SLC9A2: variants seen among roughly 807,000 people sequenced by gnomAD.
SLC9A2 encodes sodium/hydrogen exchanger 2.
SLC9A2 carries 42 observed loss-of-function variants against 71.7 expected under a neutral mutation model. The ratio of observed to expected loss-of-function variants is 0.59; its 90% CI spans 0.46 to 0.76. The LOEUF (loss-of-function observed/expected upper bound fraction) is 0.76. Among genes scored for constraint, SLC9A2 ranks in the 30% least tolerant of loss-of-function variants. The pLI is 0.00. For missense variants in SLC9A2, 829 were observed against 1,017.4 expected (o/e 0.81, Z 2.52); for synonymous variants, 396 against 392.5 (o/e 1.01, Z -0.10).
chr2:102,625,369 G>A (rs976017329), intron 1 of SLC9A2, among the ~76,000 whole-genome samples: 1 of 151,956 alleles, frequency 6.6e-6, no homozygotes, highest in East Asian at 1.9e-4. Flanking sequence ...TGTGCACAAC[G>A]TGCAGGTTTG....
chr2:102,660,547 G>T (rs1333109442), intron 2 of SLC9A2, among the ~76,000 whole-genome samples: 4 of 152,208 alleles, frequency 2.6e-5, no homozygotes, highest in Non-Finnish European at 4.4e-5. Context: ...TAGAACAATG[G>T]TGTCAAAAAT....
rs1243051762 is a variant in SLC9A2 at position 102,619,805 on chromosome 2, G to C, written c.-44G>C. 6.9e-7 allele frequency: 1 copy of C among 1,448,606 alleles called. No individual in the cohort carries two copies. Among genetic ancestry groups the C allele is most frequent in the Admixed American group, 2.7e-5 (1 of 36,940 alleles). 89.7% of individuals were successfully genotyped at this position (1,448,606 alleles called of 1,614,324 possible). A position where few individuals can be genotyped will look rare whatever the true frequency, so the allele number is the denominator to read the frequency against. On this transcript the variant is annotated 5_prime_UTR_variant, in exon 1 of 12. Coordinates refer to ENST00000233969, the MANE Select transcript of SLC9A2 (RefSeq NM_003048.6). The surrounding 1 kb of genome is among the most constrained non-coding windows in gnomAD (Gnocchi z 4.3). ...CCCGGGCGCGATGCGTTGAGCGCTC[G>C]GAGGGCCAACCGCCGGTCCCCTTGG...
chr2:102,643,674 G>T (rs1188696151), intron 1 of SLC9A2, among the ~76,000 whole-genome samples: 1 of 152,080 alleles, frequency 6.6e-6, no homozygotes, highest in East Asian at 1.9e-4. Flanking sequence ...AGGCTCTTTA[G>T]GTGTATAGAG....
At chr2:102,636,143 C>A (rs74330547) in intron 1 of SLC9A2, among the ~76,000 whole-genome samples, 2,135 of 152,254 alleles carry the variant, frequency 0.014, 13 homozygotes, top group Non-Finnish European at 0.024. Flanking sequence ...AAATACACAT[C>A]CCAATACATA....
chr2:102,701,079 G>A lies in SLC9A2; in HGVS notation c.1596G>A (p.Lys532=), dbSNP rs1462464186. The change falls in exon 8 of 12, where the codon AAG becomes AAA. Residue 532 remains lysine (K), a synonymous_variant. Transcript: ENST00000233969. ...GHNFWRDKFK[K]FDDKYLRKLL... The stretch of plus-strand genomic sequence containing the variant: ...GTTTCTTTATTTACAGGTTTAAGAA[G>A]TTTGATGATAAATATCTGCGGAAGC... 30 of 1,598,866 alleles carry A rather than the reference G, an allele frequency of 1.9e-5. No homozygotes were observed. The highest frequency in any genetic ancestry group is 2.4e-5 in the Non-Finnish European group (28 of 1,173,390).
chr2:102,674,391 C>T (rs1677310592), intron 3 of SLC9A2, among the ~76,000 whole-genome samples: 1 of 152,160 alleles, frequency 6.6e-6, no homozygotes, highest in Non-Finnish European at 1.5e-5. Flanking sequence ...ACCCCAGGCC[C>T]TCCTGTGTTG....
rs148890712 is a variant in SLC9A2 at position 102,671,258 on chromosome 2, GTTTTAC to G, written c.1004+5914_1004+5919del. Among the ~76,000 whole-genome samples, 1,162 of 151,834 alleles carry G rather than the reference GTTTTAC, an allele frequency of 7.7e-3. 17 individuals carry two copies. The highest frequency in any genetic ancestry group is 0.026 in the African/African-American group (1,072 of 41,208). On this transcript the variant is annotated intron_variant, in intron 3 of 11. Transcript: ENST00000233969. The stretch of plus-strand genomic sequence containing the variant: ...CGTTACATTGCCTTGACAAATAATA[GTTTTAC>G]TTTTAATTATAGTGTATGCTTTCAC...
chr2:102,694,913 G>C (rs907936676), intron 6 of SLC9A2, 130 bp from the exon 7 acceptor site: 1 of 715,462 alleles, frequency 1.4e-6, no homozygotes, highest in African/African-American at 1.8e-5. Context: ...TATTGCTTTT[G>C]GTAATAAATA....
chr2:102,639,862 C>A (rs1676539915), intron 1 of SLC9A2, among the ~76,000 whole-genome samples: 1 of 152,042 alleles, frequency 6.6e-6, no homozygotes, highest in Non-Finnish European at 1.5e-5. Flanking sequence ...ATAGCTCTTA[C>A]AACTTTAATG....
chr2:102,673,608 C>T (rs1342226061), intron 3 of SLC9A2, among the ~76,000 whole-genome samples: 1 of 152,022 alleles, frequency 6.6e-6, no homozygotes, highest in African/African-American at 2.4e-5. Context: ...GCTGCCATCA[C>T]TTTGCTTTTT....
At chr2:102,629,663 TTTCTC>T in intron 1 of SLC9A2, among the ~76,000 whole-genome samples, 2 of 152,224 alleles carry the variant, frequency 1.3e-5, no homozygotes, top group South Asian at 4.1e-4. Context: ...GCTTGGTTGA[TTTCTC>T]TTTCTTATTT....
At chr2:102,692,832 G>A (rs1677689518) in intron 5 of SLC9A2, among the ~76,000 whole-genome samples, 1 of 152,130 alleles carries the variant, frequency 6.6e-6, no homozygotes, top group Non-Finnish European at 1.5e-5. Context: ...TCTAGGAATT[G>A]TGTTTTTCCT....
chr2:102,702,543 G>A, intron 9 of SLC9A2, 41 bp downstream of exon 9: 1 of 1,225,786 alleles, frequency 8.2e-7, no homozygotes, highest in Non-Finnish European at 1.2e-6. Flanking sequence ...CTTACCTTTG[G>A]CTAACAGGAT....
chr2:102,694,400 T>G lies in SLC9A2; in HGVS notation c.1426-14T>G. ...AAATATATATGAAATGCTTAAATTG[T>G]GTTTCCTGTTCAGGGAATAACTATT... On this transcript the variant is annotated splice_polypyrimidine_tract_variant and intron_variant, in intron 5 of 11. Transcript: ENST00000233969. 8.1e-7 allele frequency: 1 copy of G among 1,238,112 alleles called. No homozygotes were observed. 76.7% of individuals were successfully genotyped at this position (1,238,112 alleles called of 1,614,324 possible).
chr2:102,665,800 A>AAAAG (rs1198826827), intron 3 of SLC9A2, among the ~76,000 whole-genome samples: 7 of 146,122 alleles, frequency 4.8e-5, no homozygotes, highest in South Asian at 2.2e-4. Flanking sequence ...AAAAAAAAAA[A>AAAAG]AGATTTTTCT....
chr2:102,685,949 AGGATTGAGCCTT>A (rs1329137929), intron 5 of SLC9A2, among the ~76,000 whole-genome samples: 2 of 152,226 alleles, frequency 1.3e-5, no homozygotes, highest in Non-Finnish European at 1.5e-5. Flanking sequence ...TAGAGGAGTA[AGGATTGAGCCTT>A]GGGGCGGCCC....
intron 3 of SLC9A2, among the ~76,000 whole-genome samples, chr2:102,672,683 C>T (rs13011305): frequency 0.31 from 47,515 of 151,898 alleles, 8,399 homozygotes; most frequent in East Asian, 0.52. Flanking sequence ...GGTCCACATT[C>T]GGGGGTTTTA....
Position 102,619,835 on chromosome 2 carries a change from A to G in SLC9A2, c.-14A>G. Reference sequence around the variant, plus strand: ...GCCAACCGCCGGTCCCCTTGGCGGCAACCGGCGGCACCCATGGAACCACTG... The same window carrying G: ...GCCAACCGCCGGTCCCCTTGGCGGCGACCGGCGGCACCCATGGAACCACTG... On this transcript the variant is annotated 5_prime_UTR_variant, in exon 1 of 12. Coordinates refer to ENST00000233969, the MANE Select transcript of SLC9A2 (RefSeq NM_003048.6). This position sits in a 1 kb window ranked among gnomAD's most constrained non-coding sequence, Gnocchi z 4.3. The G allele has an allele frequency of 6.8e-7, 1 of 1,479,666 alleles. No homozygotes were observed. Among genetic ancestry groups the G allele is most frequent in the Non-Finnish European group, 9.0e-7 (1 of 1,116,944 alleles). 91.7% of individuals were successfully genotyped at this position (1,479,666 alleles called of 1,614,324 possible). A position where few individuals can be genotyped will look rare whatever the true frequency, so the allele number is the denominator to read the frequency against.
chr2:102,701,269 A>G (rs1454097921), intron 8 of SLC9A2, 38 bp downstream of exon 8: 10 of 1,412,208 alleles, frequency 7.1e-6, no homozygotes, highest in African/African-American at 4.3e-5. Context: ...AGTATTGTTA[A>G]ATAGGCATTG....
Sources: gnomAD v4.1 joint callset for allele counts (sites outside exome capture counted in the v4.1 genomes callset) on GRCh38, gnomAD v4.1.1 for gene constraint, Gnocchi (gnomAD v3.1) non-coding constraint, MANE v1.5 for transcripts, NCBI Gene and HGNC (gene_info 2026-07-23, HGNC 2026-07-21) for gene names.